The following MGAT4C variants were observed in gnomAD, a reference collection of about 807,000 sequenced individuals.
The protein encoded by MGAT4C is MGAT4 family member C, also known as alpha-1,3-mannosyl-glycoprotein 4-beta-N-acetylglucosaminyltransferase C.
MGAT4C carries 19 observed loss-of-function variants against 40.1 expected under a neutral mutation model. That is an observed-to-expected ratio of 0.47 (90% CI 0.33 to 0.70). MGAT4C has a LOEUF of 0.70. Ranked by LOEUF, MGAT4C falls within the 30% of genes least tolerant of loss-of-function variation. The pLI is 0.02. For missense variants in MGAT4C, 491 were observed against 563.2 expected, an observed-to-expected ratio of 0.87 and a Z score of 1.30; for synonymous variants, 181 against 187.1, an observed-to-expected ratio of 0.97 and a Z score of 0.27.
At chr12:86,042,971 A>G (rs1892022892) in intron 2 of MGAT4C, among the ~76,000 whole-genome samples, 1 of 151,694 alleles carries the variant, frequency 6.6e-6, no homozygotes, top group Non-Finnish European at 1.5e-5. Context: ...TGGTGTTCAC[A>G]TTGCAAGTGA....
intron 1 of MGAT4C, among the ~76,000 whole-genome samples, chr12:86,818,396 A>T (rs1446838604): frequency 1.3e-5 from 2 of 151,338 alleles, no homozygotes; most frequent in South Asian, 2.1e-4. Flanking sequence ...AGATTAAAAG[A>T]TAATTAGTGA....
At chr12:86,406,511 T>C (rs1315401397) in intron 3 of MGAT4C, among the ~76,000 whole-genome samples, 1 of 152,024 alleles carries the variant, frequency 6.6e-6, no homozygotes, top group Admixed American at 6.6e-5. Flanking sequence ...ATTAGCAATT[T>C]GGAAAATGCA....
intron 1 of MGAT4C, among the ~76,000 whole-genome samples, chr12:86,791,431 G>GTT (rs77404320): frequency 3.4e-4 from 49 of 144,114 alleles, no homozygotes; most frequent in African/African-American, 1.2e-3. Flanking sequence ...GCTTTAAACT[G>GTT]TTTTTTTTTT....
intron 1 of MGAT4C, among the ~76,000 whole-genome samples, chr12:86,125,609 T>G (rs545554300): frequency 6.6e-6 from 1 of 152,166 alleles, no homozygotes; most frequent in African/African-American, 2.4e-5. Context: ...GACTACGTTA[T>G]AGAAAAAGAA....
At chr12:86,138,641 T>G (rs1882380230) in intron 1 of MGAT4C, among the ~76,000 whole-genome samples, 1 of 147,682 alleles carries the variant, frequency 6.8e-6, no homozygotes, top group African/African-American at 2.5e-5. Flanking sequence ...CATAGATATA[T>G]CATATATATA....
chr12:86,040,475 T>A (rs1170425544), intron 2 of MGAT4C, among the ~76,000 whole-genome samples: 1 of 152,202 alleles, frequency 6.6e-6, no homozygotes, highest in Non-Finnish European at 1.5e-5. Flanking sequence ...GCAGTGGCCT[T>A]GCTGAGCTGT....
At chr12:86,165,806 ATATT>A (rs1401378981) in intron 1 of MGAT4C, among the ~76,000 whole-genome samples, 46 of 152,298 alleles carry the variant, frequency 3.0e-4, no homozygotes, top group African/African-American at 9.4e-4. Context: ...TAGACAACTC[ATATT>A]TATTATTTAA....
intron 2 of MGAT4C, among the ~76,000 whole-genome samples, chr12:86,647,971 C>T (rs1963589151): frequency 6.6e-6 from 1 of 151,690 alleles, no homozygotes. Flanking sequence ...GCCAGTAGAC[C>T]CATGAGGGCA....
intron 1 of MGAT4C, among the ~76,000 whole-genome samples, chr12:86,815,095 C>G (rs1465088768): frequency 1.3e-5 from 2 of 151,800 alleles, no homozygotes; most frequent in Non-Finnish European, 1.5e-5. Flanking sequence ...ATATTGTTAG[C>G]AAATAGTTAC....
At chr12:86,464,737 A>T (rs148597707) in intron 2 of MGAT4C, among the ~76,000 whole-genome samples, 6 of 152,250 alleles carry the variant, frequency 3.9e-5, no homozygotes, top group African/African-American at 1.4e-4. Context: ...TAAAATGTTA[A>T]CACTGACTTA....
At chr12:86,296,387 C>CCGTGCCAGCTGCCTGCCAGTCT (rs1364827282) in intron 4 of MGAT4C, among the ~76,000 whole-genome samples, 3 of 152,208 alleles carry the variant, frequency 2.0e-5, no homozygotes, top group African/African-American at 4.8e-5. Context: ...CCTGCCAGTC[C>CCGTGCCAGCTGCCTGCCAGTCT]CGTGCCATGC....
At chr12:86,151,456 C>CA (rs1269203398) in intron 1 of MGAT4C, among the ~76,000 whole-genome samples, 1 of 151,992 alleles carries the variant, frequency 6.6e-6, no homozygotes, top group Non-Finnish European at 1.5e-5. Flanking sequence ...ACTAAAAATA[C>CA]AAAAAAATTA....
chr12:86,774,311 C>CTTTCTTTCTTTCTTTCTTTCTTTCTTTCT lies in MGAT4C; in HGVS notation c.-261-47099_-261-47071dup, dbSNP rs1555227751. ...TCTTTCTTTCTTTCTTTCTTTCTTT[C>CTTTCTTTCTTTCTTTCTTTCTTTCTTTCT]TTTCTTTCTTTCTTTCTTTCTTTCT... On this transcript the variant is annotated intron_variant, in intron 1 of 7. Transcript: ENST00000548651. Among the ~76,000 whole-genome samples the CTTTCTTTCTTTCTTTCTTTCTTTCTTTCT allele has an allele frequency of 8.5e-4, 34 of 40,136 alleles. 2 individuals carry two copies. Among genetic ancestry groups the CTTTCTTTCTTTCTTTCTTTCTTTCTTTCT allele is most frequent in the African/African-American group, 2.0e-3 (32 of 15,882 alleles). 26.3% of individuals were successfully genotyped at this position (40,136 alleles called of 152,430 possible). A position where few individuals can be genotyped will look rare whatever the true frequency, so the allele number is the denominator to read the frequency against.
chr12:86,049,796 A>C (rs2136964153), intron 1 of MGAT4C, 73 bp from the exon 2 acceptor site: 1 of 487,402 alleles, frequency 2.1e-6, no homozygotes, highest in Non-Finnish European at 2.7e-6. Flanking sequence ...AATAAAAAGT[A>C]TTCTCTGTAA....
intron 2 of MGAT4C, among the ~76,000 whole-genome samples, chr12:86,555,963 T>C (rs1357004826): frequency 3.9e-5 from 6 of 152,318 alleles, no homozygotes; most frequent in African/African-American, 1.4e-4. Flanking sequence ...AATGGGATAT[T>C]TGAACTACTG....
intron 2 of MGAT4C, among the ~76,000 whole-genome samples, chr12:86,550,594 C>A (rs2136395662): frequency 6.6e-6 from 1 of 152,304 alleles, no homozygotes; most frequent in Admixed American, 6.5e-5. Flanking sequence ...TTCATTCCAC[C>A]AAGTCCACAA....
At chr12:86,348,893 A>G (rs1566309554) in intron 3 of MGAT4C, among the ~76,000 whole-genome samples, 1 of 152,158 alleles carries the variant, frequency 6.6e-6, no homozygotes, top group East Asian at 1.9e-4. Context: ...TGCTCTATTA[A>G]TAGATTTTAT....
At chr12:86,483,273 A>G (rs1261610787) in intron 2 of MGAT4C, among the ~76,000 whole-genome samples, 2 of 152,174 alleles carry the variant, frequency 1.3e-5, no homozygotes, top group African/African-American at 4.8e-5. Context: ...ATTAGGTGTC[A>G]ACAAATGAAT....
At chr12:86,084,792 G>C (rs10863163) in intron 1 of MGAT4C, among the ~76,000 whole-genome samples, 34,732 of 151,698 alleles carry the variant, frequency 0.23, 5,658 homozygotes, top group African/African-American at 0.46. Flanking sequence ...AATGAAGTAA[G>C]GAAGTCCTAT....
Sources: gnomAD v4.1 joint callset for allele counts (sites outside exome capture counted in the v4.1 genomes callset) on GRCh38, gnomAD v4.1.1 for gene constraint, MANE v1.5 for transcripts, NCBI Gene and HGNC (gene_info 2026-07-23, HGNC 2026-07-21) for gene names.